The following UBE2D2 variants were observed in gnomAD, a reference collection of about 807,000 sequenced individuals.
UBE2D2 encodes the protein ubiquitin conjugating enzyme E2 D2, also known as ubiquitin-conjugating enzyme E2 D2.
Under a neutral mutation model 24.2 loss-of-function variants are expected in UBE2D2, and 2 were observed. That is an observed-to-expected ratio of 0.08 (90% confidence interval 0.03 to 0.26). The LOEUF (loss-of-function observed/expected upper bound fraction) is 0.26. Ranked by LOEUF, UBE2D2 falls within the 10% of genes least tolerant of loss-of-function variation. The probability of loss-of-function intolerance (pLI) is 1.00; values close to 1 mark genes in which losing one functional copy is unlikely to be tolerated. For missense variants in UBE2D2, 44 were observed against 177.6 expected, an observed-to-expected ratio of 0.25 and a Z score of 4.28; for synonymous variants, 58 against 56.5, an observed-to-expected ratio of 1.03 and a Z score of -0.12.
chr5:139,563,985 C>T (rs1204289367), intron 1 of UBE2D2, among the ~76,000 whole-genome samples: 1 of 151,944 alleles, frequency 6.6e-6, no homozygotes, highest in Non-Finnish European at 1.5e-5. Context: ...ATATGTGTAA[C>T]GGACTTTTTC....
chr5:139,604,402 C>T (rs1410989334), intron 2 of UBE2D2, among the ~76,000 whole-genome samples: 5 of 151,876 alleles, frequency 3.3e-5, no homozygotes, highest in Non-Finnish European at 5.9e-5. Flanking sequence ...CCTCCCAAAG[C>T]GCTGGAATTA....
In UBE2D2 at chr5:139,623,454, A is replaced by G; in HGVS notation, c.391A>G (p.Arg131Gly). The G allele has an allele frequency of 6.2e-7, 1 of 1,601,324 alleles. No individual in the cohort carries two copies. The highest frequency in any genetic ancestry group is 8.5e-7 in the Non-Finnish European group (1 of 1,170,000). ...PEIARIYKTD[R>G]EKYNRIAREW... ...GATTGCTCGGATCTACAAAACAGAT[A>G]GAGAAAAGTAAGTATGGCCTCAAGA... Residue 131 changes from arginine (R) to glycine (G), a missense_variant, in exon 6 of 7, where the codon AGA becomes GGA. Physicochemically the swap from Arg to Gly is moderately radical, Grantham distance 125. Transcript: ENST00000398733.
At chr5:139,617,961 AATTATT>A (rs373075947) in intron 5 of UBE2D2, among the ~76,000 whole-genome samples, 2 of 151,642 alleles carry the variant, frequency 1.3e-5, no homozygotes, top group African/African-American at 2.4e-5. Context: ...CTTAAAAAAA[AATTATT>A]ATTATTATTA....
At chr5:139,601,934 T>A (rs1003058793) in intron 2 of UBE2D2, among the ~76,000 whole-genome samples, 2 of 151,106 alleles carry the variant, frequency 1.3e-5, no homozygotes, top group Non-Finnish European at 3.0e-5. Flanking sequence ...GAAAAAAAAA[T>A]TTGTAACATT....
chr5:139,618,979 C>T (rs1157546820), intron 5 of UBE2D2, among the ~76,000 whole-genome samples: 1 of 151,708 alleles, frequency 6.6e-6, no homozygotes, highest in African/African-American at 2.4e-5. Context: ...GTGATGGGGA[C>T]CTAAATATTT....
chr5:139,618,071 T>C (rs1754451434), intron 5 of UBE2D2, among the ~76,000 whole-genome samples: 1 of 152,078 alleles, frequency 6.6e-6, no homozygotes, highest in Non-Finnish European at 1.5e-5. Context: ...CCTCCCGGGT[T>C]CAAGCCATTC....
intron 1 of UBE2D2, among the ~76,000 whole-genome samples, chr5:139,550,734 C>T (rs1030420340): frequency 9.9e-5 from 15 of 151,424 alleles, no homozygotes; most frequent in Non-Finnish European, 1.8e-4. Context: ...ACTCCAGACG[C>T]GCTGCCTTAA....
chr5:139,570,594 C>T (rs971827486), intron 1 of UBE2D2, among the ~76,000 whole-genome samples: 1 of 151,340 alleles, frequency 6.6e-6, no homozygotes, highest in African/African-American at 2.4e-5. Flanking sequence ...TCACTGCAAC[C>T]TCTGCCTCCT....
intron 1 of UBE2D2, among the ~76,000 whole-genome samples, chr5:139,534,498 G>A (rs1432691782): frequency 1.3e-5 from 2 of 150,756 alleles, no homozygotes; most frequent in East Asian, 2.0e-4. Flanking sequence ...CCCCGGAGTC[G>A]GAGCTTGCAG....
chr5:139,570,583 C>G (rs962360691), intron 1 of UBE2D2, among the ~76,000 whole-genome samples: 8 of 151,024 alleles, frequency 5.3e-5, no homozygotes, highest in Admixed American at 2.6e-4. Context: ...GTGATCTCGG[C>G]TCACTGCAAC....
At chr5:139,534,825 T>A (rs1373385977) in intron 1 of UBE2D2, among the ~76,000 whole-genome samples, 1 of 152,072 alleles carries the variant, frequency 6.6e-6, no homozygotes, top group Non-Finnish European at 1.5e-5. Context: ...TATAGTATTG[T>A]TTAGAATATT....
At chr5:139,569,974 T>G (rs1753315881) in intron 1 of UBE2D2, among the ~76,000 whole-genome samples, 1 of 152,170 alleles carries the variant, frequency 6.6e-6, no homozygotes, top group African/African-American at 2.4e-5. Flanking sequence ...ACTGCAAATT[T>G]AGGCTTGACA....
intron 1 of UBE2D2, 74 bp downstream of exon 1, chr5:139,561,889 C>T: frequency 7.0e-7 from 1 of 1,434,024 alleles, no homozygotes. Context: ...CCGTAGTCTC[C>T]GTCGGGCTCG....
chr5:139,602,243 G>C (rs1031840018), intron 2 of UBE2D2, among the ~76,000 whole-genome samples: 8 of 152,138 alleles, frequency 5.3e-5, no homozygotes, highest in Admixed American at 6.5e-5. Context: ...GTAGAGACGG[G>C]GTTTCGCCAT....
intron 1 of UBE2D2, among the ~76,000 whole-genome samples, chr5:139,532,594 G>A (rs1000709154): frequency 3.3e-5 from 5 of 151,664 alleles, no homozygotes; most frequent in Admixed American, 6.6e-5. Flanking sequence ...CTCGTGATCC[G>A]CCCGCCTTGG....
At chr5:139,577,087 A>T (rs543809129) in intron 1 of UBE2D2, among the ~76,000 whole-genome samples, 14 of 151,580 alleles carry the variant, frequency 9.2e-5, no homozygotes, top group African/African-American at 3.4e-4. Context: ...TCTTATAGAG[A>T]TTGTCTGTCT....
intron 1 of UBE2D2, 108 bp downstream of exon 1, chr5:139,561,923 G>A: frequency 7.2e-7 from 1 of 1,387,932 alleles, no homozygotes; most frequent in Non-Finnish European, 9.4e-7. Flanking sequence ...TCTTGCTGCC[G>A]GTGCTGGCCC....
At chr5:139,593,804 T>C (rs1322926162) in intron 1 of UBE2D2, among the ~76,000 whole-genome samples, 1 of 152,100 alleles carries the variant, frequency 6.6e-6, no homozygotes, top group Non-Finnish European at 1.5e-5. Context: ...TTTGTGGAGA[T>C]AGAGTCTTAC....
At chr5:139,587,248 G>A (rs970108398) in intron 1 of UBE2D2, among the ~76,000 whole-genome samples, 3 of 152,210 alleles carry the variant, frequency 2.0e-5, no homozygotes, top group South Asian at 2.1e-4. Flanking sequence ...TAGCCCAATC[G>A]GGAGTGGCAA....
Sources: gnomAD v4.1 joint callset for allele counts (sites outside exome capture counted in the v4.1 genomes callset) on GRCh38, gnomAD v4.1.1 for gene constraint, MANE v1.5 for transcripts, NCBI Gene and HGNC (gene_info 2026-07-23, HGNC 2026-07-21) for gene names.